The following USP45 variants were observed in gnomAD, a reference collection of about 807,000 sequenced individuals.
USP45 encodes ubiquitin carboxyl-terminal hydrolase 45.
In USP45, 89 loss-of-function variants were observed where a neutral mutation model predicts 95.8. The ratio of observed to expected loss-of-function variants is 0.93; its 90% CI spans 0.78 to 1.11. The LOEUF (loss-of-function observed/expected upper bound fraction) is 1.11. Among genes scored for constraint, USP45 ranks in the 50% least tolerant of loss-of-function variants. USP45 has a pLI of 0.00. For missense variants in USP45, 898 were observed against 942.5 expected (o/e 0.95, Z 0.62); for synonymous variants, 281 against 316.2 (o/e 0.89, Z 1.18).
At chr6:99,468,170 T>A (rs1396686075) in intron 10 of USP45, 1 of 457,394 alleles carries the variant, frequency 2.2e-6, no homozygotes, top group Non-Finnish European at 4.4e-6. Context: ...TCTAGTTACA[T>A]CTAAAAAATA....
At position 99,446,093 on chromosome 6, in the gene USP45, G is replaced by A. The variant is rs1782492310; in HGVS notation, c.1679C>T (p.Ser560Phe). The A allele has an allele frequency of 3.1e-6, 5 of 1,613,936 alleles. No individual in the cohort carries two copies. The highest frequency in any genetic ancestry group is 4.2e-6 in the Non-Finnish European group (5 of 1,180,052). The change falls in exon 14 of 18, where the codon TCT becomes TTT. Residue 560 changes from serine to phenylalanine, a missense_variant. Transcript: ENST00000500704. ...SGDKEMAEAI[S>F]ELRLSSTVTG... is the part of the protein sequence containing the mutation. ...TACAGTGCTGCTCAAACGAAGTTCA[G>A]AAATAGCTTCTGCCATTTCCTTATC...
chr6:99,495,937 C>G (rs1796192612), intron 5 of USP45, among the ~76,000 whole-genome samples: 1 of 152,172 alleles, frequency 6.6e-6, no homozygotes, highest in Admixed American at 6.5e-5. Context: ...AAAATAGTCA[C>G]TCTAATAATT....
In USP45 at chr6:99,464,705, T is replaced by G. The variant is rs1787475588; in HGVS notation, c.1207A>C (p.Ser403Arg). 5.0e-6 allele frequency: 8 copies of G among 1,611,362 alleles called. No homozygotes were observed. The highest frequency in any genetic ancestry group is 5.1e-6 in the Non-Finnish European group (6 of 1,179,480). ...LLWGRMNKYR[S>R]LRETDHDRYS... is the part of the protein sequence containing the mutation. ...CGATCATGATCTGTCTCCCGTAAAC[T>G]TCTATATTTATTCATTCTTCCCCAA... The change falls in exon 13 of 18, where the codon AGT (serine) becomes CGT (arginine). Residue 403 changes from serine (S) to arginine (R), a missense_variant. Ser to Arg is a moderately radical substitution (Grantham distance 110, BLOSUM62 -1). Transcript: ENST00000500704.
In USP45 at chr6:99,446,473, G is replaced by T. The variant is rs770314579; in HGVS notation, c.1309-10C>A. ...CATGAATTAGTTGACTCTGTAAGTT[G>T]ACAGTGTTTTCAAAGAAAAGAGTCT... On this transcript the variant is annotated splice_polypyrimidine_tract_variant and intron_variant, in intron 13 of 17. Coordinates refer to ENST00000500704, the MANE Select transcript of USP45 (RefSeq NM_001346022.3). 1.4e-5 allele frequency: 22 copies of T among 1,592,194 alleles called. No homozygotes were observed. Among genetic ancestry groups the T allele is most frequent in the Non-Finnish European group, 1.8e-5 (21 of 1,171,890 alleles).
At chr6:99,460,049 G>A (rs946059741) in intron 13 of USP45, among the ~76,000 whole-genome samples, 2 of 151,988 alleles carry the variant, frequency 1.3e-5, no homozygotes, top group African/African-American at 4.8e-5. Context: ...AAAATACTCA[G>A]GCCAGATCTG....
rs1198768276 is a variant in USP45, at chr6:99,445,907, G to A, written c.1865C>T (p.Ser622Phe). Residue 622 changes from serine to phenylalanine, a missense_variant, in exon 14 of 18, where the codon TCC becomes TTC. Coordinates refer to ENST00000500704, the MANE Select transcript of USP45 (RefSeq NM_001346022.3). ...CATAGATGTAAACTGGTAGAGACAG[G>A]ACTGAATTGAACATTCTTTAGAAGT... ...ITTSKECSIQ[S>F]CLYQFTSMEL... 2 of 1,614,008 alleles carry A rather than the reference G, an allele frequency of 1.2e-6. No homozygotes were observed. Among genetic ancestry groups the A allele is most frequent in the Non-Finnish European group, 1.7e-6 (2 of 1,179,994 alleles).
chr6:99,494,880 T>C (rs1220148885), intron 5 of USP45, among the ~76,000 whole-genome samples: 1 of 151,702 alleles, frequency 6.6e-6, no homozygotes, highest in Non-Finnish European at 1.5e-5. Context: ...GGTGACAGAG[T>C]GAGACTGTTT....
At chr6:99,471,403 A>T (rs888348652) in intron 9 of USP45, among the ~76,000 whole-genome samples, 19 of 152,156 alleles carry the variant, frequency 1.2e-4, no homozygotes, top group Admixed American at 1.0e-3. Context: ...AATGAAAATA[A>T]TGTACAGTTT....
In USP45 at chr6:99,449,356, C is replaced by A. The variant is rs917585652; in HGVS notation, c.1309-2893G>T. Among the ~76,000 whole-genome samples, 3 of 152,092 alleles carry A rather than the reference C, an allele frequency of 2.0e-5. No individual in the cohort carries two copies. In the East Asian group the frequency reaches 5.8e-4, roughly 29 times the overall value. Reference sequence around the variant, plus strand: ...CAAGCAAATGGAAAACAAAAAAAGGCAGGGGTTGCAATCTTAGTCTCTGAT... The same window carrying A: ...CAAGCAAATGGAAAACAAAAAAAGGAAGGGGTTGCAATCTTAGTCTCTGAT... On this transcript the variant is annotated intron_variant, in intron 13 of 17. Transcript: ENST00000500704.
chr6:99,508,037 A>G (rs939431489), intron 3 of USP45, among the ~76,000 whole-genome samples: 1 of 152,206 alleles, frequency 6.6e-6, no homozygotes. Context: ...GAACACAACC[A>G]TGAGGTTGAG....
intron 13 of USP45, among the ~76,000 whole-genome samples, chr6:99,458,534 G>A: frequency 6.6e-6 from 1 of 152,146 alleles, no homozygotes; most frequent in Non-Finnish European, 1.5e-5. Context: ...TTAAGAACAT[G>A]GTCCTTGTTT....
Position 99,446,200 on chromosome 6 carries a change from AC to A in USP45, c.1571del (p.Ser524MetfsTer41). 1 of 1,614,180 alleles carries A rather than the reference AC, an allele frequency of 6.2e-7. No individual in the cohort carries two copies. Among genetic ancestry groups the A allele is most frequent in the Non-Finnish European group, 8.5e-7 (1 of 1,180,038 alleles). On this transcript the variant is annotated frameshift_variant, in exon 14 of 18. Coordinates refer to ENST00000500704, the MANE Select transcript of USP45 (RefSeq NM_001346022.3). LOFTEE classifies it high-confidence loss of function. Reference protein sequence around the residue: ...SKQTGLFRSSSGSGVQPDGPL... With the variant: ...SKQTGLFRSSXGSGVQPDGPL... The stretch of plus-strand genomic sequence containing the variant: ...GTCCATCTGGCTGCACACCGGATCC[AC>A]TACTGGATCTGAACAGCCCAGTCTG...
chr6:99,500,032 T>C (rs1007777839), intron 5 of USP45, among the ~76,000 whole-genome samples: 2 of 152,188 alleles, frequency 1.3e-5, no homozygotes, highest in Non-Finnish European at 2.9e-5. Context: ...TAAGGAAAAA[T>C]GAGGCTTGCA....
At position 99,435,788 on chromosome 6, in the gene USP45, G is replaced by A. The variant is rs1222503102; in HGVS notation, c.2373C>T (p.Tyr791=). Residue 791 remains tyrosine (Y), a synonymous_variant, in exon 18 of 18, where the codon TAC becomes TAT. Coordinates refer to ENST00000500704, the MANE Select transcript of USP45 (RefSeq NM_001346022.3). ...AGQWVHVSDT[Y]LQVVPESRAL... ...CTCTTGATTCTGGAACCACCTGTAA[G>A]TAAGTGTCACTAACATGGACCCACT... The A allele has an allele frequency of 1.9e-6, 3 of 1,613,646 alleles. No individual in the cohort carries two copies. The highest frequency in any genetic ancestry group is 1.7e-5 in the Admixed American group (1 of 60,024).
intron 7 of USP45, among the ~76,000 whole-genome samples, chr6:99,483,914 T>G (rs931988413): frequency 6.6e-6 from 1 of 150,764 alleles, no homozygotes; most frequent in Non-Finnish European, 1.5e-5. Context: ...ATTCCTATAT[T>G]CATGAAATAA....
intron 8 of USP45, among the ~76,000 whole-genome samples, chr6:99,480,142 T>C (rs1454097955): frequency 2.0e-5 from 3 of 152,044 alleles, no homozygotes; most frequent in Non-Finnish European, 2.9e-5. Context: ...TTAAAAAGAG[T>C]ACCATTTACA....
intron 2 of USP45, 90 bp downstream of exon 2, chr6:99,510,025 AGTTGAT>A: frequency 3.2e-6 from 3 of 931,546 alleles, no homozygotes; most frequent in Non-Finnish European, 5.1e-6. Flanking sequence ...TTTGTGTACA[AGTTGAT>A]CCTCAGCGTT....
chr6:99,480,125 G>T (rs539793724), intron 8 of USP45, among the ~76,000 whole-genome samples: 54 of 152,228 alleles, frequency 3.5e-4, no homozygotes, highest in African/African-American at 1.3e-3. Context: ...ATTGGAAATT[G>T]AATTCTTTAA....
chr6:99,479,163 TACACACAC>T lies in USP45; in HGVS notation c.846-2941_846-2934del, dbSNP rs56121215. Reference sequence around the variant, plus strand: ...ATGAATGTATGTATATATACATATATACACACACACACACACACACACATACACAAAGT... The same window carrying T: ...ATGAATGTATGTATATATACATATATACACACACACACACATACACAAAGT... On this transcript the variant is annotated intron_variant, in intron 8 of 17. Transcript: ENST00000500704. 9.0e-5 allele frequency among the ~76,000 whole-genome samples: 13 copies of T among 144,538 alleles called. No homozygotes were observed. In the South Asian group the frequency reaches 2.1e-3, roughly 24 times the overall value. 94.8% of individuals were successfully genotyped at this position (144,538 alleles called of 152,430 possible).
Sources: allele counts gnomAD v4.1 joint callset (sites outside exome capture counted in the v4.1 genomes callset), GRCh38; gene constraint gnomAD v4.1.1; transcripts MANE v1.5; gene names NCBI Gene and HGNC (gene_info 2026-07-23, HGNC 2026-07-21).